The following GNE variants were observed in gnomAD, a reference collection of about 807,000 sequenced individuals.
GNE encodes the protein bifunctional UDP-N-acetylglucosamine 2-epimerase/N-acetylmannosamine kinase.
In GNE, 41 loss-of-function variants were observed where a neutral mutation model predicts 61.8. That is an observed-to-expected ratio of 0.66 (90% CI 0.52 to 0.86). The LOEUF (loss-of-function observed/expected upper bound fraction) is 0.86, where lower values mean the gene tolerates loss of function less well. Among genes scored for constraint, GNE ranks in the 40% least tolerant of loss-of-function variants. The probability of loss-of-function intolerance (pLI) is 0.00; values close to 1 mark genes in which losing one functional copy is unlikely to be tolerated. For missense variants in GNE, 608 were observed against 909.1 expected, an observed-to-expected ratio of 0.67 and a Z score of 4.26; for synonymous variants, 264 against 326.4, an observed-to-expected ratio of 0.81 and a Z score of 2.06.
chr9:36,273,917 G>A (rs10119820), intron 1 of GNE, among the ~76,000 whole-genome samples: 16,129 of 152,002 alleles, frequency 0.11, 1,191 homozygotes, highest in South Asian at 0.19. Context: ...TTACAGGTGT[G>A]AGCCATCGCG....
At chr9:36,237,093 G>C (rs1482366049) in intron 3 of GNE, 109 bp from the exon 4 acceptor site, 2 of 849,916 alleles carry the variant, frequency 2.4e-6, no homozygotes, top group Admixed American at 2.1e-5. Flanking sequence ...AAAATTCTAC[G>C]ATAGAAACAG....
At chr9:36,259,595 A>T (rs1830539571), upstream of GNE, among the ~76,000 whole-genome samples, 1 of 152,222 alleles carries the variant, frequency 6.6e-6, no homozygotes, top group Non-Finnish European at 1.5e-5. Flanking sequence ...CGAAAAGGTC[A>T]CATTAGCCAC....
intron 4 of GNE, 76 bp downstream of exon 4, chr9:36,236,756 A>C (rs920160413): frequency 8.2e-7 from 1 of 1,221,398 alleles, no homozygotes; most frequent in African/African-American, 1.5e-5. Flanking sequence ...CAAGATAGGA[A>C]GGCAGTTAAA....
chr9:36,218,078 A>G lies in GNE; in HGVS notation c.1933+105T>C. On this transcript the variant is annotated intron_variant, in intron 11 of 11. Coordinates refer to ENST00000642385, the MANE Select transcript of GNE (RefSeq NM_005476.7). This position sits in a 1 kb window ranked among gnomAD's most constrained non-coding sequence, Gnocchi z 4.1. ...AAGAAACCTCTGAACAGACACTGCA[A>G]AGCACCTGTCCCTAGGGAAGCAGGG... is the stretch of plus-strand genomic sequence containing the variant. The G allele has an allele frequency of 1.2e-6, 1 of 811,148 alleles. No homozygotes were observed. Among genetic ancestry groups the G allele is most frequent in the Non-Finnish European group, 2.2e-6 (1 of 450,836 alleles). 50.2% of individuals were successfully genotyped at this position (811,148 alleles called of 1,614,324 possible). A position where few individuals can be genotyped will look rare whatever the true frequency, so the allele number is the denominator to read the frequency against.
chr9:36,249,490 G>C (rs1382189501), intron 1 of GNE, 93 bp from the exon 2 acceptor site: 2 of 836,788 alleles, frequency 2.4e-6, no homozygotes, highest in Admixed American at 2.8e-5. Flanking sequence ...GAAATTTTCA[G>C]TTTCAAGTCC....
intron 1 of GNE, chr9:36,264,957 C>G (rs911234153): frequency 5.2e-6 from 1 of 191,200 alleles, no homozygotes; most frequent in African/African-American, 2.3e-5. Flanking sequence ...GCATACTCTT[C>G]TGGTCCGTGT....
chr9:36,239,523 A>C (rs1829548451), intron 3 of GNE, among the ~76,000 whole-genome samples: 1 of 151,032 alleles, frequency 6.6e-6, no homozygotes, highest in Non-Finnish European at 1.5e-5. Context: ...CTCAGGCTGC[A>C]GTGCAATGGT....
At chr9:36,249,785 G>A (rs1229645620) in intron 1 of GNE, among the ~76,000 whole-genome samples, 1 of 151,952 alleles carries the variant, frequency 6.6e-6, no homozygotes, top group Non-Finnish European at 1.5e-5. Context: ...TCGGGAGGTT[G>A]AGGCAGAAGA....
chr9:36,270,545 T>G (rs1830985836), intron 1 of GNE, among the ~76,000 whole-genome samples: 1 of 137,450 alleles, frequency 7.3e-6, no homozygotes, highest in Admixed American at 7.8e-5. Flanking sequence ...TGAGACGGAG[T>G]CTCGCTCTTT....
intron 1 of GNE, among the ~76,000 whole-genome samples, chr9:36,252,201 G>C (rs1830131547): frequency 6.6e-6 from 1 of 151,972 alleles, no homozygotes; most frequent in Non-Finnish European, 1.5e-5. Context: ...TAGCCAGACT[G>C]GTCTCGAACT....
rs1346976952 is a variant in GNE, at chr9:36,216,672, T to TTATTATTTA, written c.*692_*693insTAAATAATA. On this transcript the variant is annotated 3_prime_UTR_variant, in exon 12 of 12. Transcript: ENST00000642385. ...ATTATTATTATTATTATTATTATTA[T>TTATTATTTA]TTATTATTATTATTTTTGAGATGGA... 1 of 87,938 alleles carries TTATTATTTA rather than the reference T, an allele frequency of 1.1e-5. No homozygotes were observed. Among genetic ancestry groups the TTATTATTTA allele is most frequent in the Non-Finnish European group, 2.4e-5 (1 of 41,594 alleles). 5.4% of individuals were successfully genotyped at this position (87,938 alleles called of 1,614,324 possible). A position where few individuals can be genotyped will look rare whatever the true frequency, so the allele number is the denominator to read the frequency against.
At chr9:36,231,887 G>A (rs1829169803) in intron 5 of GNE, among the ~76,000 whole-genome samples, 2 of 151,948 alleles carry the variant, frequency 1.3e-5, no homozygotes, top group Non-Finnish European at 1.5e-5. Context: ...ATATCTAATA[G>A]GCATCTCAAA....
chr9:36,232,345 C>CCA (rs1554660755), intron 5 of GNE, among the ~76,000 whole-genome samples: 17 of 126,468 alleles, frequency 1.3e-4, no homozygotes, highest in African/African-American at 3.7e-4. Flanking sequence ...CGCCCCCCCT[C>CCA]CCGACATTCC....
At position 36,246,371 on chromosome 9, in the gene GNE, T is replaced by G. The variant is rs750673038; in HGVS notation, c.276A>C (p.Leu92=). Residue 92 remains leucine, a synonymous_variant, in exon 3 of 12, where the codon CTA becomes CTC. Transcript: ENST00000642385. Reference sequence around the variant, plus strand: ...GATTAAGGACATCTGGCAGCTTCACTAGGGCCAGGCCTACTGACTCCACCA... The same window carrying G: ...GATTAAGGACATCTGGCAGCTTCACGAGGGCCAGGCCTACTGACTCCACCA... The part of the protein sequence containing the change: ...AAMVESVGLA[L]VKLPDVLNRL... The G allele has an allele frequency of 3.1e-6, 5 of 1,613,828 alleles. No individual in the cohort carries two copies. The South Asian group carries it at 4.4e-5, about 14-fold the overall frequency.
intron 2 of GNE, 28 bp downstream of exon 2, chr9:36,249,164 G>T: frequency 6.4e-7 from 1 of 1,570,520 alleles, no homozygotes; most frequent in Non-Finnish European, 8.8e-7. Context: ...CTGTTGCAAT[G>T]AAGAATAAGA....
chr9:36,276,240 A>G (rs1452316974), intron 1 of GNE, among the ~76,000 whole-genome samples: 1 of 152,186 alleles, frequency 6.6e-6, no homozygotes, highest in Non-Finnish European at 1.5e-5. Context: ...TAAATTGAAT[A>G]TATATTTTAA....
At chr9:36,223,118 C>T in intron 8 of GNE, 120 bp from the exon 9 acceptor site, 1 of 968,924 alleles carries the variant, frequency 1.0e-6, no homozygotes, top group Non-Finnish European at 1.7e-6. Context: ...ACAAACGTTA[C>T]CAAGGACTGC....
intron 10 of GNE, among the ~76,000 whole-genome samples, chr9:36,219,376 C>T (rs181302199): frequency 5.5e-4 from 83 of 152,246 alleles, no homozygotes; most frequent in African/African-American, 1.8e-3. Flanking sequence ...CCTGCACTCT[C>T]GGCCTCCACT....
At chr9:36,268,093 C>T (rs1041143175) in intron 1 of GNE, among the ~76,000 whole-genome samples, 7 of 151,876 alleles carry the variant, frequency 4.6e-5, no homozygotes, top group Admixed American at 2.6e-4. Context: ...GAGTCATGAT[C>T]ACACCACTGC....
Sources: gnomAD v4.1 joint callset for allele counts (sites outside exome capture counted in the v4.1 genomes callset) on GRCh38, gnomAD v4.1.1 for gene constraint, Gnocchi (gnomAD v3.1) non-coding constraint, MANE v1.5 for transcripts, NCBI Gene and HGNC (gene_info 2026-07-23, HGNC 2026-07-21) for gene names.